The following C8orf34 variants were observed in gnomAD, a reference collection of about 807,000 sequenced individuals.
C8orf34 encodes the protein uncharacterized protein C8orf34.
A neutral mutation model predicts 68.3 loss-of-function variants in C8orf34; 65 were observed. That is an observed-to-expected ratio of 0.95 (90% CI 0.78 to 1.17). The LOEUF (loss-of-function observed/expected upper bound fraction) is 1.17, where lower values mean the gene tolerates loss of function less well. C8orf34 is among the 50% of genes most tolerant of loss of function. The pLI, the probability that C8orf34 is intolerant of heterozygous loss-of-function variation, is 0.00. For synonymous variants in C8orf34, 244 were observed against 241.2 expected (o/e 1.01, Z -0.11); for missense variants, 664 against 655.4 (o/e 1.01, Z -0.14).
At chr8:68,397,808 G>T (rs1032620243) in intron 1 of C8orf34, among the ~76,000 whole-genome samples, 1 of 151,992 alleles carries the variant, frequency 6.6e-6, no homozygotes, top group Admixed American at 6.6e-5. Flanking sequence ...TCACTCTGTT[G>T]CCCAGTCTTA....
chr8:68,439,620 C>T lies in C8orf34; in HGVS notation c.449C>T (p.Ala150Val). 1 of 1,612,526 alleles carries T rather than the reference C, an allele frequency of 6.2e-7. No homozygotes were observed. Among genetic ancestry groups the T allele is most frequent in the South Asian group, 1.1e-5 (1 of 90,672 alleles). Residue 150 changes from alanine to valine, a missense_variant, in exon 2 of 14, where the codon GCT becomes GTT. Physicochemically the swap from Ala to Val is moderately conservative, Grantham distance 64. Transcript: ENST00000518698. ...CAAAGAACTTTGTCTGGATCTGCAG[C>T]TCTATGGGCAGAAAGTGAAAAATCA... ...QLQRTLSGSA[A>V]LWAESEKSES...
chr8:68,336,386 G>A (rs909440897), intron 1 of C8orf34, among the ~76,000 whole-genome samples: 18 of 152,172 alleles, frequency 1.2e-4, no homozygotes, highest in African/African-American at 4.1e-4. Flanking sequence ...GGTGGGGGCA[G>A]GGTATTCAGA....
In C8orf34 at chr8:68,813,704, T is replaced by C. The variant is rs138919894; in HGVS notation, c.1550-2182T>C. Among the ~76,000 whole-genome samples, 614 of 152,266 alleles carry C rather than the reference T, an allele frequency of 4.0e-3. 3 individuals are homozygous for C. Among genetic ancestry groups the C allele is most frequent in the African/African-American group, 0.013 (556 of 41,546 alleles). ...CAACATTCTACCTGAAATTCCTTTT[T>C]TAAGGCTCCTAACATTTGTTGTTGT... On this transcript the variant is annotated intron_variant, in intron 12 of 13. Transcript: ENST00000518698.
chr8:68,643,447 G>A (rs1418142570), intron 8 of C8orf34, among the ~76,000 whole-genome samples: 1 of 152,108 alleles, frequency 6.6e-6, no homozygotes, highest in Admixed American at 6.5e-5. Flanking sequence ...TAGTCTATTT[G>A]GGATGCTATA....
chr8:68,640,371 T>C lies in C8orf34; in HGVS notation c.1106-5T>C. 6.2e-7 allele frequency: 1 copy of C among 1,612,278 alleles called. No homozygotes were observed. The highest frequency in any genetic ancestry group is 8.5e-7 in the Non-Finnish European group (1 of 1,179,226). ...TTTTCTCTGTAATTGTTTGTGTTGT[T>C]ACAGAGGATCTTAATGATTTAAGAA... On this transcript the variant is annotated splice_region_variant and splice_polypyrimidine_tract_variant and intron_variant, in intron 7 of 13. Coordinates refer to ENST00000518698, the MANE Select transcript of C8orf34 (RefSeq NM_052958.4).
At chr8:68,765,903 A>G (rs565276563) in intron 10 of C8orf34, among the ~76,000 whole-genome samples, 2 of 152,368 alleles carry the variant, frequency 1.3e-5, no homozygotes, top group African/African-American at 4.8e-5. Flanking sequence ...TTTGTTTACA[A>G]GTCAGTGAAA....
chr8:68,426,115 A>G lies in C8orf34; in HGVS notation c.328-13384A>G, dbSNP rs537414313. ...GGACCTAGGACTTGCTGAAGATGAC[A>G]TATCTTCATATCTCTTGTATATGCT... On this transcript the variant is annotated intron_variant, in intron 1 of 13. Coordinates refer to ENST00000518698, the MANE Select transcript of C8orf34 (RefSeq NM_052958.4). 1.5e-4 allele frequency among the ~76,000 whole-genome samples: 23 copies of G among 152,316 alleles called. No individual in the cohort carries two copies. The South Asian group carries it at 4.3e-3, about 29-fold the overall frequency.
chr8:68,634,324 T>G (rs559064541), intron 7 of C8orf34, among the ~76,000 whole-genome samples: 9 of 152,368 alleles, frequency 5.9e-5, no homozygotes, highest in Non-Finnish European at 1.0e-4. Flanking sequence ...TAACTCAAAA[T>G]AGTCAACATG....
intron 8 of C8orf34, among the ~76,000 whole-genome samples, chr8:68,678,993 T>C (rs1482196973): frequency 6.6e-6 from 1 of 152,062 alleles, no homozygotes; most frequent in African/African-American, 2.4e-5. Flanking sequence ...TCAAGAAAGT[T>C]ATCCCATTTA....
chr8:68,668,921 G>C (rs1283720886), intron 8 of C8orf34, among the ~76,000 whole-genome samples: 1 of 152,150 alleles, frequency 6.6e-6, no homozygotes, highest in Non-Finnish European at 1.5e-5. Context: ...CAATGAGCTT[G>C]AAAGCAGATT....
At chr8:68,723,463 A>G (rs1164498401) in intron 10 of C8orf34, among the ~76,000 whole-genome samples, 1 of 152,136 alleles carries the variant, frequency 6.6e-6, no homozygotes, top group East Asian at 1.9e-4. Context: ...GGTTCCAAAT[A>G]ATGTTCTCAC....
chr8:68,584,651 G>A (rs912805577), intron 7 of C8orf34, among the ~76,000 whole-genome samples: 4 of 152,070 alleles, frequency 2.6e-5, no homozygotes, highest in East Asian at 1.9e-4. Context: ...GAGTGTTCTC[G>A]TTAACAAAAT....
chr8:68,616,843 C>T (rs1396064471), intron 7 of C8orf34, among the ~76,000 whole-genome samples: 1 of 152,078 alleles, frequency 6.6e-6, no homozygotes, highest in Non-Finnish European at 1.5e-5. Context: ...CCTGGGTATC[C>T]TTGTTAACTT....
intron 12 of C8orf34, among the ~76,000 whole-genome samples, chr8:68,799,827 C>T (rs1274933934): frequency 1.3e-5 from 2 of 152,016 alleles, no homozygotes; most frequent in South Asian, 2.1e-4. Flanking sequence ...AGTAGAAACA[C>T]GAGATTGGAG....
At chr8:68,332,631 A>G (rs531125143) in intron 1 of C8orf34, among the ~76,000 whole-genome samples, 1 of 152,244 alleles carries the variant, frequency 6.6e-6, no homozygotes, top group South Asian at 2.1e-4. Context: ...CGGAGGACAA[A>G]GGTGTGGTCC....
intron 9 of C8orf34, among the ~76,000 whole-genome samples, chr8:68,716,342 C>T (rs1238560079): frequency 6.6e-6 from 1 of 151,666 alleles, no homozygotes; most frequent in African/African-American, 2.4e-5. Context: ...AACAGATGCC[C>T]AAAGAAAAGC....
At chr8:68,455,788 T>G (rs1811521538) in intron 3 of C8orf34, among the ~76,000 whole-genome samples, 1 of 152,106 alleles carries the variant, frequency 6.6e-6, no homozygotes, top group Admixed American at 6.5e-5. Flanking sequence ...GAAGGATATT[T>G]TCTTAACTAA....
intron 7 of C8orf34, among the ~76,000 whole-genome samples, chr8:68,629,854 CGTATGTGT>C (rs554250687): frequency 3.3e-5 from 5 of 151,294 alleles, no homozygotes; most frequent in Admixed American, 2.0e-4. Flanking sequence ...TAAGGGCGTG[CGTATGTGT>C]GTATGTGTGT....
chr8:68,787,839 G>A (rs1225467289), intron 12 of C8orf34, among the ~76,000 whole-genome samples: 3 of 152,136 alleles, frequency 2.0e-5, no homozygotes, highest in Non-Finnish European at 4.4e-5. Flanking sequence ...GATTACATCA[G>A]TGATAATTTA....
Sources: gnomAD v4.1 joint callset for allele counts (sites outside exome capture counted in the v4.1 genomes callset) on GRCh38, gnomAD v4.1.1 for gene constraint, MANE v1.5 for transcripts, NCBI Gene and HGNC (gene_info 2026-07-23, HGNC 2026-07-21) for gene names.